BCLAF3: variants seen among roughly 807,000 people sequenced by gnomAD.
BCLAF3 encodes the protein transient octamer binding factor 1.
In BCLAF3, 24 loss-of-function variants were observed where a neutral mutation model predicts 51.2. The observed-to-expected ratio is 0.47, with a 90% confidence interval of 0.34 to 0.66. The LOEUF (loss-of-function observed/expected upper bound fraction) is 0.66, where lower values mean the gene tolerates loss of function less well. Ranked by LOEUF, BCLAF3 falls within the 30% of genes least tolerant of loss-of-function variation. The pLI is 0.01. For synonymous variants in BCLAF3, 152 were observed against 176.6 expected, an observed-to-expected ratio of 0.86 and a Z score of 1.10; for missense variants, 465 against 525.1, an observed-to-expected ratio of 0.89 and a Z score of 1.12.
chrX:19,924,330 A>T (rs1288557389), intron 11 of BCLAF3, among the ~76,000 whole-genome samples: 1 of 111,362 alleles, frequency 9.0e-6, no homozygotes, highest in African/African-American at 3.3e-5. Context: ...ATTTTAAAAG[A>T]ATGCATGGAG....
At chrX:19,976,734 A>C (rs1603338504) in intron 1 of BCLAF3, among the ~76,000 whole-genome samples, 1 of 111,842 alleles carries the variant, frequency 8.9e-6, no homozygotes, top group East Asian at 2.8e-4. Flanking sequence ...TCCCCAAAAA[A>C]CCATGAAGCA....
rs151075452 is a variant in BCLAF3 at position 19,975,933 on chromosome X, C to T, written c.-34-5635G>A. ...TTTCTCCTCATCTTCCCTGTCATCA[C>T]CCTGACCCTTAAGAGTGAACCCAGT... On this transcript the variant is annotated intron_variant, in intron 1 of 11. Transcript: ENST00000379682. Among the ~76,000 whole-genome samples, 808 of 112,073 alleles carry T rather than the reference C, an allele frequency of 7.2e-3. 16 individuals are homozygous for T. The highest frequency in any genetic ancestry group is 0.025 in the African/African-American group (782 of 30,814).
chrX:19,976,484 G>A (rs760132047), intron 1 of BCLAF3, among the ~76,000 whole-genome samples: 4 of 110,833 alleles, frequency 3.6e-5, no homozygotes, highest in Non-Finnish European at 5.7e-5. Context: ...TCCGCCTCTC[G>A]GGTTCCAGCG....
At chrX:19,934,624 A>C (rs960760744) in intron 10 of BCLAF3, among the ~76,000 whole-genome samples, 2 of 112,227 alleles carry the variant, frequency 1.8e-5, no homozygotes, top group Middle Eastern at 9.3e-3. Context: ...TCAAGAAGCC[A>C]ATATTAATAG....
In BCLAF3 at chrX:19,929,794, T is replaced by TC; in HGVS notation, c.2096dup (p.Lys702GlufsTer13). On this transcript the variant is annotated frameshift_variant, in exon 11 of 12. Coordinates refer to ENST00000379682, the MANE Select transcript of BCLAF3 (RefSeq NM_001367774.2). LOFTEE classifies it high-confidence loss of function. Reference sequence around the variant, plus strand: ...TTTTAATTCAACTAACCTTCTTTTTTCTCATTAATCTTTCTCTGAACTTAT... The same window carrying TC: ...TTTTAATTCAACTAACCTTCTTTTTTCCTCATTAATCTTTCTCTGAACTTAT... The TC allele has an allele frequency of 8.4e-7, 1 of 1,196,766 alleles. No individual in the cohort carries two copies. The highest frequency in any genetic ancestry group is 1.1e-6 in the Non-Finnish European group (1 of 890,259).
intron 1 of BCLAF3, among the ~76,000 whole-genome samples, chrX:19,988,744 T>C (rs1219826427): frequency 8.9e-6 from 1 of 112,505 alleles, no homozygotes; most frequent in Non-Finnish European, 1.9e-5. Flanking sequence ...TTATAACCCC[T>C]AATGCATCAC....
intron 4 of BCLAF3, among the ~76,000 whole-genome samples, chrX:19,958,813 CTG>C (rs1034329459): frequency 8.9e-6 from 1 of 112,528 alleles, no homozygotes; most frequent in African/African-American, 3.2e-5. Context: ...CAATGCATGA[CTG>C]TATATAATTT....
chrX:19,930,224 T>C (rs1400703847), intron 10 of BCLAF3: 2 of 183,757 alleles, frequency 1.1e-5, no homozygotes, highest in Middle Eastern at 1.9e-3. Context: ...GGCAGGAGAA[T>C]TGCTTGAACC....
chrX:19,916,325 G>C lies in BCLAF3; in HGVS notation c.*980C>G, dbSNP rs1438398866. 8.9e-6 allele frequency: 1 copy of C among 112,692 alleles called. No homozygotes were observed. The highest frequency in any genetic ancestry group is 1.9e-5 in the Non-Finnish European group (1 of 53,237). The allele number at this position is 112,692 out of a possible 1,213,427, so 9.3% of individuals were successfully genotyped here. A position where few individuals can be genotyped will look rare whatever the true frequency, so the allele number is the denominator to read the frequency against. On this transcript the variant is annotated 3_prime_UTR_variant, in exon 12 of 12. Transcript: ENST00000379682. ...ATTTCACAAAAATGTAATTGGGAAT[G>C]TATATGTACTGTTAAGCAGAACACA...
chrX:19,949,727 T>C (rs777640942), intron 8 of BCLAF3, among the ~76,000 whole-genome samples: 6 of 112,697 alleles, frequency 5.3e-5, no homozygotes, highest in African/African-American at 6.4e-5. Context: ...CCTAGTTAGC[T>C]ACAGACTTGA....
In BCLAF3 at chrX:19,966,475, C is replaced by T. The variant is rs754974612; in HGVS notation, c.216G>A (p.Gln72=). The T allele has an allele frequency of 4.1e-6, 5 of 1,209,447 alleles. No homozygotes were observed. The East Asian group carries it at 1.2e-4, about 29-fold the overall frequency. The change falls in exon 3 of 12, where the codon CAG becomes CAA. Residue 72 remains glutamine (Q), a synonymous_variant. Coordinates refer to ENST00000379682, the MANE Select transcript of BCLAF3 (RefSeq NM_001367774.2). ...GGGAAGGTGATCTATGTTCATAAGACTGGTAATATATATTTCCACGAGAGG... is the reference window on the plus strand; with the variant it reads ...GGGAAGGTGATCTATGTTCATAAGATTGGTAATATATATTTCCACGAGAGG... ...RIPSRGNIYY[Q]SYEHRSPSPN...
At chrX:19,951,083 T>G (rs1171421524) in intron 7 of BCLAF3, among the ~76,000 whole-genome samples, 1 of 111,267 alleles carries the variant, frequency 9.0e-6, no homozygotes, top group Non-Finnish European at 1.9e-5. Flanking sequence ...CTTGTGGGAC[T>G]CTAACCCAAA....
At chrX:19,940,132 T>C (rs2070950405) in intron 8 of BCLAF3, among the ~76,000 whole-genome samples, 1 of 112,277 alleles carries the variant, frequency 8.9e-6, no homozygotes. Flanking sequence ...CTTTGATATT[T>C]GATTTTTGAC....
chrX:19,928,708 A>C (rs1295363882), intron 11 of BCLAF3, among the ~76,000 whole-genome samples: 6 of 112,350 alleles, frequency 5.3e-5, no homozygotes, highest in African/African-American at 1.9e-4. Flanking sequence ...TGGATAAAGA[A>C]AATGCATATA....
intron 8 of BCLAF3, among the ~76,000 whole-genome samples, chrX:19,945,066 T>A (rs1177443067): frequency 1.8e-5 from 2 of 109,523 alleles, no homozygotes; most frequent in African/African-American, 6.7e-5. Context: ...GTTGATCGCA[T>A]CGGCTCCTGA....
At chrX:19,952,241 T>C (rs1030587142) in intron 7 of BCLAF3, among the ~76,000 whole-genome samples, 1 of 111,751 alleles carries the variant, frequency 8.9e-6, no homozygotes, top group African/African-American at 3.3e-5. Context: ...TCTCCATAAG[T>C]TCAGCAAAAA....
At chrX:19,974,817 G>A (rs2072370218) in intron 1 of BCLAF3, among the ~76,000 whole-genome samples, 1 of 111,001 alleles carries the variant, frequency 9.0e-6, no homozygotes, top group East Asian at 2.8e-4. Context: ...GGGGGGCGGA[G>A]GTTACAGTGA....
At chrX:19,957,744 C>T (rs1255710199) in intron 4 of BCLAF3, among the ~76,000 whole-genome samples, 3 of 111,540 alleles carry the variant, frequency 2.7e-5, no homozygotes, top group African/African-American at 9.8e-5. Flanking sequence ...AGTTCCTCTA[C>T]TACAAGATCT....
chrX:19,932,608 T>C (rs2070609146), intron 10 of BCLAF3, among the ~76,000 whole-genome samples: 1 of 103,314 alleles, frequency 9.7e-6, no homozygotes, highest in Non-Finnish European at 2.0e-5. Context: ...CTGGGCTCAC[T>C]GCAATCTCCG....
Sources: gnomAD v4.1 joint callset for allele counts (sites outside exome capture counted in the v4.1 genomes callset) on GRCh38, gnomAD v4.1.1 for gene constraint, MANE v1.5 for transcripts, NCBI Gene and HGNC (gene_info 2026-07-23, HGNC 2026-07-21) for gene names.